The following TNS1 variants were observed in gnomAD, a reference collection of about 807,000 sequenced individuals.
TNS1 encodes tensin 1, also known as tensin-1.
A neutral mutation model predicts 168.6 loss-of-function variants in TNS1; 62 were observed. The observed-to-expected ratio is 0.37, with a 90% confidence interval of 0.30 to 0.45. The LOEUF (loss-of-function observed/expected upper bound fraction) is 0.45, where lower values mean the gene tolerates loss of function less well. TNS1 is among the 20% of genes least tolerant of loss of function. The probability of loss-of-function intolerance (pLI) is 1.00; values close to 1 mark genes in which losing one functional copy is unlikely to be tolerated. For synonymous variants in TNS1, 934 were observed against 933.2 expected (o/e 1.00, Z -0.02); for missense variants, 2,240 against 2,339.4 (o/e 0.96, Z 0.88).
intron 3 of TNS1, among the ~76,000 whole-genome samples, chr2:217,928,423 A>C (rs1956148020): frequency 6.6e-6 from 1 of 152,148 alleles, no homozygotes; most frequent in South Asian, 2.1e-4. Context: ...CTGGCCTGCT[A>C]GTCTGTTTCC....
chr2:217,809,269 A>G lies in TNS1; in HGVS notation c.5273+554T>C, dbSNP rs1320292039. Among the ~76,000 whole-genome samples the G allele has an allele frequency of 4.7e-3, 265 of 56,710 alleles. 25 individuals are homozygous for G. The highest frequency in any genetic ancestry group is 0.017 in the African/African-American group (160 of 9,244). 37.2% of individuals were successfully genotyped at this position (56,710 alleles called of 152,430 possible). A position where few individuals can be genotyped will look rare whatever the true frequency, so the allele number is the denominator to read the frequency against. On this transcript the variant is annotated intron_variant, in intron 30 of 32. Coordinates refer to ENST00000682258, the MANE Select transcript of TNS1 (RefSeq NM_001387777.1). ...GATGGATGCATGGATGGATGGATGG[A>G]TGGATGGATGCATGGATGGATGGAT...
intron 1 of TNS1, among the ~76,000 whole-genome samples, chr2:218,025,294 G>T (rs1958841481): frequency 6.6e-6 from 1 of 152,258 alleles, no homozygotes; most frequent in South Asian, 2.1e-4. Context: ...TGTCACCCAG[G>T]GTGGAGTGCA....
At chr2:217,810,683 A>C (rs575176700) in intron 28 of TNS1, among the ~76,000 whole-genome samples, 4 of 152,328 alleles carry the variant, frequency 2.6e-5, no homozygotes, top group African/African-American at 9.6e-5. Context: ...GACAATTGGC[A>C]TTGCTGTTAT....
chr2:217,822,050 A>G, intron 22 of TNS1, 112 bp from the exon 23 acceptor site: 2 of 1,177,308 alleles, frequency 1.7e-6, no homozygotes, highest in Non-Finnish European at 2.4e-6. Context: ...CTGGGAACAT[A>G]GGAATAGCCC....
chr2:217,809,745 T>C (rs1015345660), intron 30 of TNS1, 78 bp downstream of exon 30: 64 of 1,451,962 alleles, frequency 4.4e-5, no homozygotes, highest in Non-Finnish European at 5.9e-5. Flanking sequence ...AATCAAGTGG[T>C]AAATGTGTGG....
intron 24 of TNS1, among the ~76,000 whole-genome samples, chr2:217,817,054 C>T (rs1007097692): frequency 3.9e-5 from 6 of 152,092 alleles, no homozygotes; most frequent in African/African-American, 1.4e-4. Flanking sequence ...GTTGGGTCTA[C>T]GAGGAGTGAT....
At chr2:217,962,615 A>C (rs1957527591) in intron 3 of TNS1, among the ~76,000 whole-genome samples, 1 of 152,244 alleles carries the variant, frequency 6.6e-6, no homozygotes, top group South Asian at 2.1e-4. Flanking sequence ...ATAAATCAGT[A>C]AAATGGGGAT....
At chr2:217,855,960 C>T (rs1268794907) in intron 18 of TNS1, among the ~76,000 whole-genome samples, 3 of 152,188 alleles carry the variant, frequency 2.0e-5, no homozygotes, top group African/African-American at 7.2e-5. Context: ...GCATCCCCTA[C>T]AGACCTCTCC....
intron 4 of TNS1, among the ~76,000 whole-genome samples, chr2:217,917,984 A>G (rs1170643513): frequency 1.3e-5 from 2 of 152,116 alleles, no homozygotes; most frequent in Admixed American, 1.3e-4. Context: ...CTGAAACAGA[A>G]TGAGTGAGGT....
At chr2:217,917,389 G>A (rs1266258047) in intron 4 of TNS1, among the ~76,000 whole-genome samples, 3 of 152,172 alleles carry the variant, frequency 2.0e-5, no homozygotes, top group Middle Eastern at 3.2e-3. Flanking sequence ...TCCTAATGGA[G>A]TTTACATGCT....
intron 1 of TNS1, among the ~76,000 whole-genome samples, chr2:218,001,294 G>A (rs1343524274): frequency 6.6e-6 from 1 of 152,098 alleles, no homozygotes; most frequent in African/African-American, 2.4e-5. Flanking sequence ...GCACTGCCCT[G>A]GGGAATTGGA....
At chr2:217,914,085 C>T (rs1455483600) in intron 4 of TNS1, among the ~76,000 whole-genome samples, 3 of 152,150 alleles carry the variant, frequency 2.0e-5, no homozygotes, top group Non-Finnish European at 4.4e-5. Flanking sequence ...TCCTTCCCTC[C>T]TCTCTTCTAT....
Position 217,835,092 on chromosome 2 carries a change from C to T in TNS1, c.3279G>A (p.Gly1093=), listed in dbSNP as rs1277865498. 4 of 1,566,096 alleles carry T rather than the reference C, an allele frequency of 2.6e-6. No individual in the cohort carries two copies. The African/African-American group carries it at 5.6e-5, about 22-fold the overall frequency. The change falls in exon 21 of 33, where the codon GGG becomes GGA. Residue 1093 remains glycine, a splice_region_variant and synonymous_variant. Coordinates refer to ENST00000682258, the MANE Select transcript of TNS1 (RefSeq NM_001387777.1). The part of the protein sequence containing the change: ...GTSPSSPPPS[G]VRSPPGLAKT... ...ACGAGCTTCACAGGGAATTCTTACC[C>T]CCACTGGGTGGTGGGCTGCTCGGGG...
At chr2:218,006,532 G>A (rs544323940), upstream of TNS1, among the ~76,000 whole-genome samples, 3 of 152,248 alleles carry the variant, frequency 2.0e-5, no homozygotes, top group African/African-American at 4.8e-5. Flanking sequence ...GAAGGTAACA[G>A]AGCATTTTAA....
intron 1 of TNS1, among the ~76,000 whole-genome samples, chr2:218,021,604 C>A (rs911181034): frequency 1.3e-5 from 2 of 152,188 alleles, no homozygotes; most frequent in Non-Finnish European, 2.9e-5. Flanking sequence ...CAGGGTGGAT[C>A]CCGGCACCCC....
chr2:217,911,450 G>A (rs1954398866), intron 4 of TNS1, among the ~76,000 whole-genome samples: 1 of 152,222 alleles, frequency 6.6e-6, no homozygotes, highest in South Asian at 2.1e-4. Flanking sequence ...TCCTGAGAGT[G>A]ATGACTCCTC....
upstream of TNS1, among the ~76,000 whole-genome samples, chr2:218,013,626 A>G (rs555387683): frequency 6.6e-6 from 1 of 152,162 alleles, no homozygotes; most frequent in African/African-American, 2.4e-5. Context: ...CCCCCTGCTC[A>G]TGTGACATGG....
rs913909896 is a variant in TNS1 at position 217,810,268 on chromosome 2, T to A, written c.5084A>T (p.Asp1695Val). ...CTCACCTGCCCCTTGTTTCAGCAGGTCTGCAGTTGAGTTGGCAGGGCCGGA... is the reference window on the plus strand; with the variant it reads ...CTCACCTGCCCCTTGTTTCAGCAGGACTGCAGTTGAGTTGGCAGGGCCGGA... ...DSSGPANSTA[D>V]LLKQGAACNV... is the part of the protein sequence containing the mutation. The change falls in exon 29 of 33, where the codon GAC (aspartate) becomes GTC (valine). Residue 1695 changes from aspartate (D) to valine (V), a missense_variant. Coordinates refer to ENST00000682258, the MANE Select transcript of TNS1 (RefSeq NM_001387777.1). The A allele has an allele frequency of 1.2e-6, 2 of 1,613,960 alleles. No individual in the cohort carries two copies. The highest frequency in any genetic ancestry group is 3.3e-5 in the Admixed American group (2 of 60,002).
At chr2:217,865,336 C>T (rs1228932415) in intron 18 of TNS1, among the ~76,000 whole-genome samples, 1 of 152,200 alleles carries the variant, frequency 6.6e-6, no homozygotes, top group Non-Finnish European at 1.5e-5. Context: ...AAGCACAGGC[C>T]TGCATGGCAG....
Sources: gnomAD v4.1 joint callset for allele counts (sites outside exome capture counted in the v4.1 genomes callset) on GRCh38, gnomAD v4.1.1 for gene constraint, MANE v1.5 for transcripts, NCBI Gene and HGNC (gene_info 2026-07-23, HGNC 2026-07-21) for gene names.